The following CRB1 variants were observed in gnomAD, a reference collection of about 807,000 sequenced individuals.
CRB1 encodes protein crumbs homolog 1.
Under a neutral mutation model 120.0 loss-of-function variants are expected in CRB1, and 83 were observed. That is an observed-to-expected ratio of 0.69 (90% CI 0.58 to 0.83). CRB1 has a LOEUF of 0.83. Among genes scored for constraint, CRB1 ranks in the 40% least tolerant of loss-of-function variants. CRB1 has a pLI of 0.00. For synonymous variants in CRB1, 625 were observed against 612.5 expected, an observed-to-expected ratio of 1.02 and a Z score of -0.30; for missense variants, 1,699 against 1,687.6, an observed-to-expected ratio of 1.01 and a Z score of -0.12.
the CRB1 span, among the ~76,000 whole-genome samples, chr1:197,201,832 G>A: frequency 6.6e-6 from 1 of 151,966 alleles, no homozygotes; most frequent in African/African-American, 2.4e-5. Flanking sequence ...AAATCTAAAC[G>A]CGATTACTAA....
the CRB1 span, among the ~76,000 whole-genome samples, chr1:197,218,965 G>C: frequency 1.3e-5 from 2 of 152,170 alleles, no homozygotes; most frequent in African/African-American, 4.8e-5. Context: ...GGAAAGGCTT[G>C]ATGGGGAGAG....
intron 11 of CRB1, among the ~76,000 whole-genome samples, chr1:197,460,756 T>C (rs1666493873): frequency 6.6e-6 from 1 of 152,180 alleles, no homozygotes; most frequent in Non-Finnish European, 1.5e-5. Flanking sequence ...ATTTGGAGAC[T>C]GTTTTTAAGC....
intron 10 of CRB1, chr1:197,439,156 T>C (rs1467186593): frequency 6.0e-6 from 1 of 167,522 alleles, no homozygotes; most frequent in African/African-American, 2.4e-5. Flanking sequence ...ATGGAGTTGG[T>C]CAATGGCTTC....
intron 11 of CRB1, chr1:197,477,426 T>C: frequency 1.7e-6 from 1 of 589,372 alleles, no homozygotes; most frequent in Non-Finnish European, 3.2e-6. Context: ...TGAGCAAATA[T>C]AGTAGGTATT....
intron 2 of CRB1, among the ~76,000 whole-genome samples, chr1:197,335,381 AG>A (rs1446052099): frequency 6.6e-6 from 1 of 152,238 alleles, no homozygotes; most frequent in Admixed American, 6.5e-5. Context: ...GATACACTGC[AG>A]GGGGCGATAA....
intron 4 of CRB1, among the ~76,000 whole-genome samples, chr1:197,352,739 G>T (rs984476428): frequency 1.4e-5 from 2 of 144,032 alleles, no homozygotes; most frequent in African/African-American, 2.6e-5. Context: ...TCAGATTGTT[G>T]AGAAAGGCCC....
Position 197,421,708 on chromosome 1 carries a change from T to TGCTTA in CRB1, c.1881_1885dup (p.Asn629SerfsTer14). On this transcript the variant is annotated frameshift_variant, in exon 6 of 12. Transcript: ENST00000367400. LOFTEE classifies it high-confidence loss of function. ...GGAATGACCAGCAATGGTGTTGCTC[T>TGCTTA]GCTTAACTTCTATAATATGCCATCC... The TGCTTA allele has an allele frequency of 1.2e-6, 2 of 1,614,210 alleles. No individual in the cohort carries two copies. The highest frequency in any genetic ancestry group is 1.7e-6 in the Non-Finnish European group (2 of 1,180,040).
At position 197,328,607 on chromosome 1, in the gene CRB1, G is replaced by T. The variant is rs1206041530; in HGVS notation, c.256G>T (p.Val86Leu). ...TCCCTGTCAAGGAAGTGCCACTTGTGTGAACACCCCAGGAGAAAGGAGCTT... is the reference window on the plus strand; with the variant it reads ...TCCCTGTCAAGGAAGTGCCACTTGTTTGAACACCCCAGGAGAAAGGAGCTT... ...SNPCQGSATC[V>L]NTPGERSFLC... The change falls in exon 2 of 12, where the codon GTG becomes TTG. Residue 86 changes from valine to leucine, a missense_variant. Transcript: ENST00000367400. 1.9e-6 allele frequency: 3 copies of T among 1,614,128 alleles called. No homozygotes were observed. The East Asian group carries it at 6.7e-5, about 36-fold the overall frequency.
At chr1:197,223,319 T>C in the CRB1 span, 1 of 629,972 alleles carries the variant, frequency 1.6e-6, no homozygotes, top group South Asian at 1.8e-5. Flanking sequence ...AAATATATCA[T>C]ACATTGTGGT....
intron 1 of CRB1, among the ~76,000 whole-genome samples, chr1:197,279,793 T>C (rs1476214752): frequency 6.6e-6 from 1 of 151,646 alleles, no homozygotes; most frequent in Admixed American, 6.6e-5. Flanking sequence ...TACCCTTTTA[T>C]TCTCATATTC....
At chr1:197,386,105 T>C (rs556881497) in intron 5 of CRB1, among the ~76,000 whole-genome samples, 1 of 152,060 alleles carries the variant, frequency 6.6e-6, no homozygotes, top group South Asian at 2.1e-4. Flanking sequence ...ATTCCCCCAG[T>C]AGTGGGGGGT....
chr1:197,203,413 G>A, the CRB1 span, among the ~76,000 whole-genome samples: 4 of 152,034 alleles, frequency 2.6e-5, no homozygotes, highest in African/African-American at 7.2e-5. Context: ...TCCGCTTCCC[G>A]GGTTTAAGCA....
At chr1:197,464,746 GA>G (rs144146441) in intron 11 of CRB1, among the ~76,000 whole-genome samples, 3,377 of 151,658 alleles carry the variant, frequency 0.022, 122 homozygotes, top group African/African-American at 0.077. Context: ...GAATTATCCA[GA>G]AAAAAAACTA....
At chr1:197,256,760 T>A in the CRB1 span, among the ~76,000 whole-genome samples, 3 of 151,206 alleles carry the variant, frequency 2.0e-5, no homozygotes, top group Admixed American at 1.3e-4. Context: ...CATATGTAAC[T>A]AACCTGCACA....
chr1:197,323,519 A>G (rs1049797341), intron 1 of CRB1, among the ~76,000 whole-genome samples: 18 of 152,202 alleles, frequency 1.2e-4, no homozygotes, highest in African/African-American at 4.3e-4. Context: ...GGGTCATTCA[A>G]AAGCCTGTCC....
At position 197,442,274 on chromosome 1, in the gene CRB1, C is replaced by T. The variant is rs138108243; in HGVS notation, c.3987C>T (p.Gly1329=). 27 of 1,614,148 alleles carry T rather than the reference C, an allele frequency of 1.7e-5. No individual in the cohort carries two copies. In the African/African-American group the frequency reaches 2.0e-4, roughly 12 times the overall value. The change falls in exon 11 of 12, where the codon GGC becomes GGT. Residue 1329 remains glycine (G), a synonymous_variant. Transcript: ENST00000367400. ...FQCLCDVAFA[G]ERCEVDLADD... ...GCCTCTGTGATGTTGCCTTTGCTGG[C>T]GAGCGCTGCGAGGTGGACGTAAGCA...
At chr1:197,385,720 A>C (rs1194636387) in intron 5 of CRB1, among the ~76,000 whole-genome samples, 3 of 152,084 alleles carry the variant, frequency 2.0e-5, no homozygotes, top group African/African-American at 4.8e-5. Context: ...GACTACTCAG[A>C]GGCATTGGCA....
intron 4 of CRB1, among the ~76,000 whole-genome samples, chr1:197,354,381 A>C (rs576703982): frequency 2.8e-4 from 43 of 152,264 alleles, no homozygotes; most frequent in African/African-American, 1.0e-3. Context: ...TTGACTCTTC[A>C]AGAATGAAGC....
At chr1:197,363,762 A>G (rs1660910311) in intron 5 of CRB1, 2 of 616,844 alleles carry the variant, frequency 3.2e-6, no homozygotes, top group African/African-American at 1.8e-5. Flanking sequence ...TGCCCTTTCC[A>G]TGCCTGGCAA....
Sources: gnomAD v4.1 joint callset for allele counts (sites outside exome capture counted in the v4.1 genomes callset) on GRCh38, gnomAD v4.1.1 for gene constraint, MANE v1.5 for transcripts, NCBI Gene and HGNC (gene_info 2026-07-23, HGNC 2026-07-21) for gene names.